TTC39C: variants seen among roughly 807,000 people sequenced by gnomAD.
The protein encoded by TTC39C is tetratricopeptide repeat protein 39C.
In TTC39C, 33 loss-of-function variants were observed where a neutral mutation model predicts 76.3. The observed-to-expected ratio is 0.43, with a 90% confidence interval of 0.33 to 0.58. The LOEUF is 0.58. Among genes scored for constraint, TTC39C ranks in the 20% least tolerant of loss-of-function variants. TTC39C has a pLI of 0.04. For synonymous variants in TTC39C, 254 were observed against 260.6 expected, an observed-to-expected ratio of 0.97 and a Z score of 0.24; for missense variants, 595 against 701.4, an observed-to-expected ratio of 0.85 and a Z score of 1.71.
At chr18:24,058,062 A>G (rs1479260425) in intron 1 of TTC39C, among the ~76,000 whole-genome samples, 1 of 152,262 alleles carries the variant, frequency 6.6e-6, no homozygotes, top group Non-Finnish European at 1.5e-5. Context: ...ATGCAGGAAC[A>G]GAAAACCAAA....
chr18:24,134,547 T>C lies in TTC39C; in HGVS notation c.*1973T>C, dbSNP rs1417241504. On this transcript the variant is annotated 3_prime_UTR_variant, in exon 14 of 14. Coordinates refer to ENST00000317571, the MANE Select transcript of TTC39C (RefSeq NM_001135993.2). ...GCCTTGGCCTCCCAAAGAGCTGGGA[T>C]TACTGGTGTGAGCCACCGTGCCCGG... The C allele has an allele frequency of 1.3e-5, 2 of 152,180 alleles. No individual in the cohort carries two copies. Among genetic ancestry groups the C allele is most frequent in the Non-Finnish European group, 2.9e-5 (2 of 68,068 alleles). 9.4% of individuals were successfully genotyped at this position (152,180 alleles called of 1,614,324 possible).
Position 24,014,802 on chromosome 18 carries a change from C to A in TTC39C, c.-70C>A. On this transcript the variant is annotated 5_prime_UTR_variant, in exon 1 of 14. Transcript: ENST00000317571. ...GGCTCCGGGCAGGTAGAGCCGGGCTCCGGGCGCGCGCGGGGCCGCAGCAGC... is the reference window on the plus strand; with the variant it reads ...GGCTCCGGGCAGGTAGAGCCGGGCTACGGGCGCGCGCGGGGCCGCAGCAGC... The A allele has an allele frequency of 8.4e-7, 1 of 1,193,276 alleles. No homozygotes were observed. 73.9% of individuals were successfully genotyped at this position (1,193,276 alleles called of 1,614,324 possible).
rs535915205 is a variant in TTC39C at position 24,070,580 on chromosome 18, C to G, written c.460+1309C>G. Among the ~76,000 whole-genome samples the G allele has an allele frequency of 8.6e-4, 131 of 152,260 alleles. 1 individual carries two copies. The highest frequency in any genetic ancestry group is 3.0e-3 in the African/African-American group (123 of 41,566). On this transcript the variant is annotated intron_variant, in intron 4 of 13. Transcript: ENST00000317571. ...AAATATCTGGCCAGGTGCCTTGGCTCACACTTGTAATCCCAGCACATTAGG... is the reference window on the plus strand; with the variant it reads ...AAATATCTGGCCAGGTGCCTTGGCTGACACTTGTAATCCCAGCACATTAGG...
At chr18:24,019,484 A>C (rs2083493573) in intron 1 of TTC39C, among the ~76,000 whole-genome samples, 1 of 152,354 alleles carries the variant, frequency 6.6e-6, no homozygotes, top group Non-Finnish European at 1.5e-5. Context: ...AAAGCAAGAA[A>C]AATGTATAGT....
chr18:24,084,497 A>G (rs2084417385), intron 6 of TTC39C, among the ~76,000 whole-genome samples: 1 of 152,178 alleles, frequency 6.6e-6, no homozygotes. Flanking sequence ...AAATAAATAT[A>G]TAAAATAAAA....
At chr18:24,017,390 A>G (rs2083466082) in intron 1 of TTC39C, among the ~76,000 whole-genome samples, 1 of 152,210 alleles carries the variant, frequency 6.6e-6, no homozygotes, top group African/African-American at 2.4e-5. Flanking sequence ...TAGGAGTAAC[A>G]GTAAGAGTAC....
Position 24,018,515 on chromosome 18 carries a change from C to T in TTC39C, c.167+3477C>T, listed in dbSNP as rs192547233. Among the ~76,000 whole-genome samples, 5 of 152,222 alleles carry T rather than the reference C, an allele frequency of 3.3e-5. No individual in the cohort carries two copies. The East Asian group carries it at 9.6e-4, about 29-fold the overall frequency. On this transcript the variant is annotated intron_variant, in intron 1 of 13. Coordinates refer to ENST00000317571, the MANE Select transcript of TTC39C (RefSeq NM_001135993.2). The stretch of plus-strand genomic sequence containing the variant: ...AAGACATGTGCTAGATATTTCGGTG[C>T]TGCAATGTAGGTGTAGGTAAAGCTG...
intron 4 of TTC39C, among the ~76,000 whole-genome samples, chr18:24,073,260 G>A (rs1256427125): frequency 6.6e-6 from 1 of 152,154 alleles, no homozygotes; most frequent in Non-Finnish European, 1.5e-5. Flanking sequence ...CTTAGCTGGT[G>A]GGCCTCACCT....
At chr18:24,051,599 G>A (rs1457219234) in intron 1 of TTC39C, among the ~76,000 whole-genome samples, 3 of 152,192 alleles carry the variant, frequency 2.0e-5, no homozygotes, top group African/African-American at 7.2e-5. Context: ...TAAAGGCTGG[G>A]GTGGTCAGTG....
intron 1 of TTC39C, among the ~76,000 whole-genome samples, chr18:24,001,821 C>CTT (rs1568399948): frequency 3.0e-5 from 1 of 33,556 alleles, no homozygotes. Flanking sequence ...TACGGTAATT[C>CTT]TGTTTTTTTT....
At chr18:24,112,500 A>G (rs2084828810) in intron 6 of TTC39C, among the ~76,000 whole-genome samples, 1 of 152,204 alleles carries the variant, frequency 6.6e-6, no homozygotes, top group African/African-American at 2.4e-5. Flanking sequence ...GGGTTAAGAG[A>G]AATGATTTGA....
intron 11 of TTC39C, among the ~76,000 whole-genome samples, chr18:24,129,300 T>A (rs953384138): frequency 6.6e-6 from 1 of 152,156 alleles, no homozygotes; most frequent in African/African-American, 2.4e-5. Context: ...CGGAGTGAAG[T>A]CTCATTGTTA....
At chr18:24,060,887 A>G (rs2084090703) in intron 1 of TTC39C, among the ~76,000 whole-genome samples, 1 of 152,274 alleles carries the variant, frequency 6.6e-6, no homozygotes, top group East Asian at 1.9e-4. Context: ...GGTATTTCAC[A>G]ATAGGGATGT....
intron 1 of TTC39C, among the ~76,000 whole-genome samples, chr18:24,006,015 AT>A (rs11364340): frequency 0.87 from 123,381 of 142,600 alleles, 54,253 homozygotes; most frequent in Non-Finnish European, 0.96. Flanking sequence ...CCTACAGAAT[AT>A]TTTTTTTTTT....
At chr18:24,070,805 C>T (rs1436075980) in intron 4 of TTC39C, among the ~76,000 whole-genome samples, 3 of 151,358 alleles carry the variant, frequency 2.0e-5, no homozygotes, top group Admixed American at 6.6e-5. Context: ...ATCACTCCAC[C>T]GCACTCCAGC....
intron 1 of TTC39C, among the ~76,000 whole-genome samples, chr18:24,004,084 TC>T: frequency 6.6e-6 from 1 of 152,166 alleles, no homozygotes; most frequent in East Asian, 1.9e-4. Context: ...CCATTTTAGT[TC>T]CCCAAGCAAG....
chr18:24,127,806 A>G (rs981866667), intron 10 of TTC39C, among the ~76,000 whole-genome samples: 6 of 152,226 alleles, frequency 3.9e-5, no homozygotes, highest in African/African-American at 1.4e-4. Flanking sequence ...ATAAGCCACC[A>G]TGCCCAGCTA....
intron 6 of TTC39C, among the ~76,000 whole-genome samples, chr18:24,107,895 G>C (rs370449420): frequency 1.3e-5 from 2 of 151,304 alleles, no homozygotes; most frequent in Admixed American, 6.6e-5. Context: ...AGTAGGGGGG[G>C]GGGTACAGGC....
intron 8 of TTC39C, among the ~76,000 whole-genome samples, chr18:24,119,938 C>T (rs375851319): frequency 1.5e-4 from 23 of 149,124 alleles, no homozygotes; most frequent in African/African-American, 5.1e-4. Flanking sequence ...AAATGTACAG[C>T]GTGGCTGTAT....
Sources: gnomAD v4.1 joint callset for allele counts (sites outside exome capture counted in the v4.1 genomes callset) on GRCh38, gnomAD v4.1.1 for gene constraint, MANE v1.5 for transcripts, NCBI Gene and HGNC (gene_info 2026-07-23, HGNC 2026-07-21) for gene names.